The following FAM13A variants were observed in gnomAD, a reference collection of about 807,000 sequenced individuals.
FAM13A encodes the protein protein FAM13A.
A neutral mutation model predicts 129.6 loss-of-function variants in FAM13A; 76 were observed. The ratio of observed to expected loss-of-function variants is 0.59; its 90% CI spans 0.49 to 0.71. The LOEUF is 0.71. Among genes scored for constraint, FAM13A ranks in the 30% least tolerant of loss-of-function variants. The pLI, the probability that FAM13A is intolerant of heterozygous loss-of-function variation, is 0.00. For missense variants in FAM13A, 1,108 were observed against 1,249.3 expected (o/e 0.89, Z 1.70); for synonymous variants, 443 against 449.9 (o/e 0.98, Z 0.20).
rs112976722 is a variant in FAM13A at position 88,814,434 on chromosome 4, G to GA, written c.1008-9383dup. 6.0e-4 allele frequency among the ~76,000 whole-genome samples: 92 copies of GA among 152,270 alleles called. 1 individual carries two copies. The highest frequency in any genetic ancestry group is 2.1e-3 in the African/African-American group (88 of 41,550). The stretch of plus-strand genomic sequence containing the variant: ...GAGAATGTGCTTGGAAAGCATGGGA[G>GA]AATTAATAACTCGGCAGGTGTGGCA... On this transcript the variant is annotated intron_variant, in intron 7 of 23. Transcript: ENST00000264344.
intron 5 of FAM13A, among the ~76,000 whole-genome samples, chr4:88,917,436 T>A (rs1445493100): frequency 6.6e-6 from 1 of 152,122 alleles, no homozygotes; most frequent in Non-Finnish European, 1.5e-5. Flanking sequence ...GAGGACCAAG[T>A]ATCCACATGA....
intron 13 of FAM13A, 54 bp downstream of exon 13, chr4:88,767,499 A>C (rs1745905449): frequency 7.7e-7 from 1 of 1,306,998 alleles, no homozygotes; most frequent in Non-Finnish European, 1.1e-6. Flanking sequence ...AAGTACACTC[A>C]AGAGTGTATG....
Position 89,029,638 on chromosome 4 carries a change from T to C in FAM13A, c.39A>G (p.Ala13=). ...TCATGTCTTCTTTCAGCCGAACCGC[T>C]GCTTTACTTTGCTTAAAGGAGCGTA... ...AGALAICQSK[A]AVRLKEDMKK... Residue 13 remains alanine (A), a synonymous_variant, in exon 2 of 24, where the codon GCA becomes GCG. Transcript: ENST00000264344. 2 of 1,575,216 alleles carry C rather than the reference T, an allele frequency of 1.3e-6. No individual in the cohort carries two copies. Among genetic ancestry groups the C allele is most frequent in the Non-Finnish European group, 1.7e-6 (2 of 1,168,122 alleles).
Position 88,776,358 on chromosome 4 carries a change from C to T in FAM13A, c.1458+4807G>A, listed in dbSNP as rs574059054. ...CCCAGCTCCACCACTTACGTGTGAC[C>T]TAGTTGTTTAATCTCCTATGCCTAA... On this transcript the variant is annotated intron_variant, in intron 11 of 23. Coordinates refer to ENST00000264344, the MANE Select transcript of FAM13A (RefSeq NM_014883.4). Among the ~76,000 whole-genome samples the T allele has an allele frequency of 5.9e-5, 9 of 152,216 alleles. No individual in the cohort carries two copies. In the East Asian group the frequency reaches 1.5e-3, roughly 26 times the overall value.
chr4:88,957,466 G>C (rs557873409), intron 4 of FAM13A, among the ~76,000 whole-genome samples: 1 of 152,176 alleles, frequency 6.6e-6, no homozygotes, highest in African/African-American at 2.4e-5. Flanking sequence ...CTTGCAGAAT[G>C]ATGAGCCAAT....
At chr4:88,750,345 A>T in intron 15 of FAM13A, 79 bp downstream of exon 15, 1 of 1,183,674 alleles carries the variant, frequency 8.4e-7, no homozygotes, top group South Asian at 1.3e-5. Context: ...AAAAAAAATT[A>T]TTCACTATCA....
At chr4:88,879,784 G>A (rs1030139731) in intron 6 of FAM13A, among the ~76,000 whole-genome samples, 90 of 152,290 alleles carry the variant, frequency 5.9e-4, no homozygotes, top group African/African-American at 2.1e-3. Context: ...GTCAGGCCAG[G>A]TGCCTGAGTG....
chr4:88,927,998 A>G (rs1190373697), intron 5 of FAM13A, among the ~76,000 whole-genome samples: 6 of 152,062 alleles, frequency 3.9e-5, no homozygotes, highest in African/African-American at 1.2e-4. Flanking sequence ...CTTCCCTCTT[A>G]ACACTATTTT....
chr4:88,765,089 T>G (rs1353660785), intron 13 of FAM13A, among the ~76,000 whole-genome samples: 1 of 152,204 alleles, frequency 6.6e-6, no homozygotes, highest in Non-Finnish European at 1.5e-5. Context: ...GTCACAGTTG[T>G]AACTTCATTT....
At chr4:88,888,931 G>A (rs1160188607) in intron 6 of FAM13A, among the ~76,000 whole-genome samples, 2 of 132,138 alleles carry the variant, frequency 1.5e-5, no homozygotes, top group African/African-American at 2.8e-5. Flanking sequence ...GCGAGACTCC[G>A]TCTCCAAAAA....
chr4:88,955,658 G>C (rs1426621531), intron 4 of FAM13A, among the ~76,000 whole-genome samples: 3 of 152,174 alleles, frequency 2.0e-5, no homozygotes, highest in African/African-American at 7.2e-5. Context: ...TGCTGATAGT[G>C]ATATGGATAA....
chr4:88,861,595 T>C (rs185355894), intron 6 of FAM13A, among the ~76,000 whole-genome samples: 45 of 152,240 alleles, frequency 3.0e-4, no homozygotes, highest in African/African-American at 1.0e-3. Flanking sequence ...TCAACAACAA[T>C]TTAATAAGCA....
intron 4 of FAM13A, among the ~76,000 whole-genome samples, chr4:88,962,378 G>C (rs1758750354): frequency 6.6e-6 from 1 of 152,170 alleles, no homozygotes; most frequent in South Asian, 2.1e-4. Context: ...TACTAAAGGA[G>C]AGTCAACCAA....
At chr4:88,813,423 G>A (rs1290744337) in intron 7 of FAM13A, among the ~76,000 whole-genome samples, 1 of 152,124 alleles carries the variant, frequency 6.6e-6, no homozygotes, top group East Asian at 1.9e-4. Flanking sequence ...GAAATTAGTT[G>A]ATGAGAAAAT....
At chr4:88,788,983 A>G (rs979789229) in intron 9 of FAM13A, among the ~76,000 whole-genome samples, 1 of 152,190 alleles carries the variant, frequency 6.6e-6, no homozygotes, top group Non-Finnish European at 1.5e-5. Flanking sequence ...TTATAGATAG[A>G]ACTCCATGTC....
chr4:88,894,158 T>C (rs778235131), intron 6 of FAM13A, among the ~76,000 whole-genome samples: 4 of 152,210 alleles, frequency 2.6e-5, no homozygotes, highest in African/African-American at 2.4e-5. Flanking sequence ...CTAAGAGCAT[T>C]TGAAATGTCC....
chr4:89,030,835 T>C (rs1420690857), intron 1 of FAM13A, among the ~76,000 whole-genome samples: 1 of 152,184 alleles, frequency 6.6e-6, no homozygotes. Context: ...ATAAGACAAT[T>C]ACAAGTTAAT....
intron 5 of FAM13A, among the ~76,000 whole-genome samples, chr4:88,931,520 T>C (rs1014400227): frequency 2.0e-5 from 3 of 152,076 alleles, no homozygotes; most frequent in Non-Finnish European, 2.9e-5. Flanking sequence ...GTGTTTCCCA[T>C]CTCTTCTCTG....
intron 6 of FAM13A, among the ~76,000 whole-genome samples, chr4:88,898,063 CATTA>C (rs1181611321): frequency 6.6e-6 from 1 of 152,080 alleles, no homozygotes; most frequent in East Asian, 1.9e-4. Flanking sequence ...AATAAGTATG[CATTA>C]ATTATGATTC....
Sources: allele counts gnomAD v4.1 joint callset (sites outside exome capture counted in the v4.1 genomes callset), GRCh38; gene constraint gnomAD v4.1.1; transcripts MANE v1.5; gene names NCBI Gene and HGNC (gene_info 2026-07-23, HGNC 2026-07-21).